The following TTC5 variants were observed in gnomAD, a reference collection of about 807,000 sequenced individuals.
TTC5 encodes tetratricopeptide repeat protein 5.
TTC5 carries 46 observed loss-of-function variants against 57.4 expected under a neutral mutation model. The observed-to-expected ratio is 0.80, with a 90% confidence interval of 0.63 to 1.03. TTC5 has a LOEUF of 1.03. Ranked by LOEUF, TTC5 falls within the 50% of genes least tolerant of loss-of-function variation. TTC5 has a pLI of 0.00. For missense variants in TTC5, 504 were observed against 528.1 expected (o/e 0.95, Z 0.45); for synonymous variants, 190 against 203.5 (o/e 0.93, Z 0.57).
At chr14:20,297,500 G>A (rs769614476) in intron 5 of TTC5, among the ~76,000 whole-genome samples, 34 of 152,320 alleles carry the variant, frequency 2.2e-4, no homozygotes, top group Non-Finnish European at 3.1e-4. Flanking sequence ...ACCAGGCACG[G>A]TGGCTCACAC....
At position 20,295,735 on chromosome 14, in the gene TTC5, A is replaced by C; in HGVS notation, c.816T>G (p.Asp272Glu). ...QREQQLLEFL[D>E]RLTSLLESKG... ...TACTCTCAAGGAGGCTGGTTAATCT[A>C]TCCAGGAATTCCAGAAGTTGTTGCT... Residue 272 changes from aspartate (D) to glutamate (E), a missense_variant, in exon 7 of 10, where the codon GAT becomes GAG. Transcript: ENST00000258821. 3 of 1,613,516 alleles carry C rather than the reference A, an allele frequency of 1.9e-6. No homozygotes were observed. Among genetic ancestry groups the C allele is most frequent in the Non-Finnish European group, 2.5e-6 (3 of 1,179,930 alleles).
rs1175998357 is a variant in TTC5 at position 20,286,845 on chromosome 14, A to T, written c.*2782T>A. On this transcript the variant is annotated 3_prime_UTR_variant, in exon 10 of 10. Coordinates refer to ENST00000258821, the MANE Select transcript of TTC5 (RefSeq NM_138376.3). ...CAATACAGCAGTGTGCAAAGACTCG[A>T]ATAGGCATTTTACCGAGAGAAAATA... 6.6e-6 allele frequency: 1 copy of T among 152,220 alleles called. No individual in the cohort carries two copies. The highest frequency in any genetic ancestry group is 2.4e-5 in the African/African-American group (1 of 41,458). The allele number at this position is 152,220 out of a possible 1,614,324, so 9.4% of individuals were successfully genotyped here.
chr14:20,294,092 T>A (rs1008237603), intron 8 of TTC5: 2 of 152,120 alleles, frequency 1.3e-5, no homozygotes, highest in Non-Finnish European at 2.9e-5. Flanking sequence ...ACAGGAAATA[T>A]TGCAATCAAG....
At chr14:20,292,628 C>G (rs1043275020) in intron 8 of TTC5, 3 of 152,244 alleles carry the variant, frequency 2.0e-5, no homozygotes, top group Admixed American at 2.0e-4. Flanking sequence ...AATAAGATAC[C>G]AATCCAGCTA....
intron 1 of TTC5, among the ~76,000 whole-genome samples, chr14:20,303,190 C>CAA (rs1239436297): frequency 6.3e-4 from 63 of 99,262 alleles, no homozygotes; most frequent in African/African-American, 2.0e-3. Flanking sequence ...GACTCCGTCT[C>CAA]AAAAAAAAAA....
intron 6 of TTC5, 136 bp downstream of exon 6, chr14:20,296,254 T>C: frequency 1.3e-6 from 1 of 756,868 alleles, no homozygotes; most frequent in Non-Finnish European, 2.3e-6. Context: ...AGCTAGCTAT[T>C]TATAGAAATA....
chr14:20,304,571 T>C (rs1882253956), intron 1 of TTC5, among the ~76,000 whole-genome samples: 2 of 152,242 alleles, frequency 1.3e-5, no homozygotes, highest in African/African-American at 4.8e-5. Flanking sequence ...TCTTCTCTAC[T>C]TCACTCCTTT....
In TTC5 at chr14:20,292,002, C is replaced by T. The variant is rs1207208867; in HGVS notation, c.1184G>A (p.Arg395Gln). The change falls in exon 9 of 10, where the codon CGA (arginine) becomes CAA (glutamine). Residue 395 changes from arginine (R) to glutamine (Q), a missense_variant. Transcript: ENST00000258821. ...GCTCACCTTTCCTTTGTGCTGAATT[C>T]GGTGAAGCCGCAGGTTGGGCTCAGG... ...AIPEPNLRLH[R>Q]IQHKGKDYSF... is the part of the protein sequence containing the mutation. The T allele has an allele frequency of 1.3e-6, 2 of 1,590,112 alleles. No homozygotes were observed. The highest frequency in any genetic ancestry group is 2.3e-5 in the East Asian group (1 of 43,860).
chr14:20,300,024 G>C (rs1882149602), intron 3 of TTC5, among the ~76,000 whole-genome samples: 1 of 150,404 alleles, frequency 6.6e-6, no homozygotes, highest in South Asian at 2.1e-4. Context: ...TTTTTTGGTA[G>C]AGGCAGGGTT....
In TTC5 at chr14:20,286,392, C is replaced by T. The variant is rs998807089; in HGVS notation, c.*3235G>A. 11 of 151,992 alleles carry T rather than the reference C, an allele frequency of 7.2e-5. No homozygotes were observed. The South Asian group carries it at 8.3e-4, about 11-fold the overall frequency. The allele number at this position is 151,992 out of a possible 1,614,324, so 9.4% of individuals were successfully genotyped here. On this transcript the variant is annotated 3_prime_UTR_variant, in exon 10 of 10. Coordinates refer to ENST00000258821, the MANE Select transcript of TTC5 (RefSeq NM_138376.3). The stretch of plus-strand genomic sequence containing the variant: ...GACAAAGAAATGTAATTTATGCCTA[C>T]TATGTGATATTTTATAATCATCTGG...
intron 3 of TTC5, among the ~76,000 whole-genome samples, chr14:20,299,754 T>C (rs1420189645): frequency 6.6e-6 from 1 of 152,102 alleles, no homozygotes; most frequent in African/African-American, 2.4e-5. Flanking sequence ...AGTTTCACCA[T>C]GTTGGCCAGG....
In TTC5 at chr14:20,299,434, G is replaced by A. The variant is rs771040301; in HGVS notation, c.411C>T (p.Val137=). ...SGALTHCRNK[V]SLQNLSMVLR... is the part of the protein sequence containing the mutation. ...GCACCATTGACAGGTTTTGCAAGGAGACTTTGTTCCTGCACTGCAAATAGG... is the reference window on the plus strand; with the variant it reads ...GCACCATTGACAGGTTTTGCAAGGAAACTTTGTTCCTGCACTGCAAATAGG... The change falls in exon 4 of 10, where the codon GTC becomes GTT. Residue 137 remains valine (V), a synonymous_variant. Transcript: ENST00000258821. The A allele has an allele frequency of 1.2e-6, 2 of 1,613,852 alleles. No individual in the cohort carries two copies. Among genetic ancestry groups the A allele is most frequent in the South Asian group, 2.2e-5 (2 of 91,074 alleles).
intron 2 of TTC5, among the ~76,000 whole-genome samples, chr14:20,301,451 A>G (rs1323927239): frequency 1.3e-5 from 2 of 152,240 alleles, no homozygotes; most frequent in Non-Finnish European, 2.9e-5. Context: ...GCTAGTCAAT[A>G]GCAGGAATCT....
intron 1 of TTC5, chr14:20,305,655 C>T (rs1351424722): frequency 1.7e-6 from 1 of 584,786 alleles, no homozygotes; most frequent in Admixed American, 3.1e-5. Flanking sequence ...TTAGGAGCAA[C>T]AAATCTTCTT....
At chr14:20,296,581 A>C in intron 5 of TTC5, 135 bp from the exon 6 acceptor site, 1 of 733,750 alleles carries the variant, frequency 1.4e-6, no homozygotes, top group Non-Finnish European at 2.4e-6. Context: ...ATACCACAGA[A>C]GCAGTTACCG....
At chr14:20,298,989 A>T in intron 4 of TTC5, 101 bp from the exon 5 acceptor site, 2 of 966,472 alleles carry the variant, frequency 2.1e-6, no homozygotes, top group Non-Finnish European at 3.2e-6. Context: ...CCCACAAGAA[A>T]TCCAAACCAG....
intron 1 of TTC5, 103 bp downstream of exon 1, chr14:20,305,784 G>A: frequency 8.4e-7 from 1 of 1,191,486 alleles, no homozygotes; most frequent in Middle Eastern, 1.9e-4. Context: ...GACGCACGCA[G>A]CTTCGCGTGT....
At chr14:20,294,064 C>A (rs574834797) in intron 8 of TTC5, 2 of 152,258 alleles carry the variant, frequency 1.3e-5, no homozygotes, top group East Asian at 3.9e-4. Flanking sequence ...CATGCCATCA[C>A]GTGACATGCC....
chr14:20,301,115 G>A (rs371187511), intron 2 of TTC5, among the ~76,000 whole-genome samples: 11 of 152,150 alleles, frequency 7.2e-5, no homozygotes, highest in African/African-American at 1.4e-4. Context: ...AAGACAAAGC[G>A]TAAACATGGA....
Sources: gnomAD v4.1 joint callset for allele counts (sites outside exome capture counted in the v4.1 genomes callset) on GRCh38, gnomAD v4.1.1 for gene constraint, MANE v1.5 for transcripts, NCBI Gene and HGNC (gene_info 2026-07-23, HGNC 2026-07-21) for gene names.